The following ACKR2 variants were observed in gnomAD, a reference collection of about 807,000 sequenced individuals.
ACKR2 encodes C-C chemokine receptor D6.
For missense variants in ACKR2, 457 were observed against 477.3 expected, an observed-to-expected ratio of 0.96 and a Z score of 0.40; for synonymous variants, 207 against 192.2, an observed-to-expected ratio of 1.08 and a Z score of -0.64.
At chr3:42,835,708 A>G (rs1231043583) in intron 2 of ACKR2, 1 of 152,238 alleles carries the variant, frequency 6.6e-6, no homozygotes, top group Non-Finnish European at 1.5e-5. Context: ...GTCTACTCTC[A>G]GTCTCAGCGT....
intron 2 of ACKR2, among the ~76,000 whole-genome samples, chr3:42,845,764 A>T (rs941839579): frequency 2.0e-5 from 3 of 150,742 alleles, no homozygotes; most frequent in Admixed American, 6.6e-5. Context: ...CACGAGAATC[A>T]CTTGAACCTG....
intron 2 of ACKR2, among the ~76,000 whole-genome samples, chr3:42,826,046 T>G (rs1300531089): frequency 1.3e-5 from 2 of 152,078 alleles, no homozygotes; most frequent in Non-Finnish European, 2.9e-5. Context: ...ATTGTTTGAG[T>G]TTCGGATGTT....
chr3:42,837,258 C>T (rs1446314502), intron 2 of ACKR2, among the ~76,000 whole-genome samples: 1 of 152,038 alleles, frequency 6.6e-6, no homozygotes, highest in African/African-American at 2.4e-5. Flanking sequence ...ACTCTGTCGC[C>T]TAGGCTGGAG....
chr3:42,848,296 C>T (rs1403967787), intron 2 of ACKR2, among the ~76,000 whole-genome samples: 1 of 143,162 alleles, frequency 7.0e-6, no homozygotes, highest in Non-Finnish European at 1.5e-5. Context: ...TGTCTCACTG[C>T]AGCCTCCACT....
chr3:42,865,071 A>C lies in ACKR2; in HGVS notation c.569A>C (p.Lys190Thr). Reference protein sequence around the residue: ...MVFVQTHENPKGVWNCHADFG... With the variant: ...MVFVQTHENPTGVWNCHADFG... ...TTTGTACAGACACATGAAAATCCCA[A>C]GGGTGTGTGGAACTGCCACGCAGAT... The change falls in exon 3 of 3, where the codon AAG becomes ACG. Residue 190 changes from lysine to threonine, a missense_variant. Coordinates refer to ENST00000422265, the MANE Select transcript of ACKR2 (RefSeq NM_001296.5). 6.2e-7 allele frequency: 1 copy of C among 1,614,126 alleles called. No individual in the cohort carries two copies. The highest frequency in any genetic ancestry group is 8.5e-7 in the Non-Finnish European group (1 of 1,180,034).
chr3:42,864,238 A>G (rs2088410873), intron 2 of ACKR2, among the ~76,000 whole-genome samples: 1 of 152,226 alleles, frequency 6.6e-6, no homozygotes, highest in African/African-American at 2.4e-5. Context: ...ATCCAAGAGT[A>G]AGTGTCCCAG....
chr3:42,810,817 C>T (rs1443599750), intron 1 of ACKR2, among the ~76,000 whole-genome samples: 1 of 152,230 alleles, frequency 6.6e-6, no homozygotes, highest in African/African-American at 2.4e-5. Context: ...TTCGAGTGTT[C>T]AATTTCCTTA....
At chr3:42,834,393 A>G (rs1372072034) in intron 2 of ACKR2, among the ~76,000 whole-genome samples, 1 of 151,934 alleles carries the variant, frequency 6.6e-6, no homozygotes, top group African/African-American at 2.4e-5. Context: ...TTCGGTAGGG[A>G]AGACAGGGTC....
In ACKR2 at chr3:42,866,968, A is replaced by G. The variant is rs963324852; in HGVS notation, c.*1311A>G. ...GGCTCACTGCAGCCACCACCTCCTG[A>G]GCTCAAGTGATCCTCCCATCTAAGC... On this transcript the variant is annotated 3_prime_UTR_variant, in exon 3 of 3. Coordinates refer to ENST00000422265, the MANE Select transcript of ACKR2 (RefSeq NM_001296.5). 4.3e-5 allele frequency: 7 copies of G among 163,110 alleles called. No individual in the cohort carries two copies. The highest frequency in any genetic ancestry group is 1.7e-4 in the African/African-American group (7 of 41,280). The allele number at this position is 163,110 out of a possible 1,614,324, so 10.1% of individuals were successfully genotyped here.
intron 2 of ACKR2, among the ~76,000 whole-genome samples, chr3:42,861,842 A>G (rs2088388056): frequency 6.6e-6 from 1 of 152,224 alleles, no homozygotes; most frequent in Non-Finnish European, 1.5e-5. Context: ...TCAATAAACT[A>G]GGTACTGATG....
intron 2 of ACKR2, among the ~76,000 whole-genome samples, chr3:42,850,080 C>T (rs1174017931): frequency 6.6e-6 from 1 of 152,018 alleles, no homozygotes; most frequent in African/African-American, 2.4e-5. Flanking sequence ...GAGCCCAGGT[C>T]CTAGAACTTA....
At chr3:42,860,189 A>AAAAAAAAACAAAAAAAAAAC in intron 2 of ACKR2, among the ~76,000 whole-genome samples, 1 of 111,520 alleles carries the variant, frequency 9.0e-6, no homozygotes, top group Non-Finnish European at 1.9e-5. Flanking sequence ...AAAAAAAAAA[A>AAAAAAAAACAAAAAAAAAAC]GCAGGGGATG....
chr3:42,837,756 T>C (rs1334939519), intron 2 of ACKR2, among the ~76,000 whole-genome samples: 2 of 152,232 alleles, frequency 1.3e-5, no homozygotes, highest in Non-Finnish European at 2.9e-5. Context: ...CTCAGTCAAG[T>C]TGACATCTAA....
At position 42,865,132 on chromosome 3, in the gene ACKR2, C is replaced by G. The variant is rs765855167; in HGVS notation, c.630C>G (p.Leu210=). The G allele has an allele frequency of 1.9e-6, 3 of 1,613,914 alleles. No homozygotes were observed. Among genetic ancestry groups the G allele is most frequent in the South Asian group, 1.1e-5 (1 of 91,076 alleles). ...ATGGGACCATTTGGAAGCTCTTCCTCCGCTTCCAGCAGAACCTCCTAGGGT... is the reference window on the plus strand; with the variant it reads ...ATGGGACCATTTGGAAGCTCTTCCTGCGCTTCCAGCAGAACCTCCTAGGGT... ...GGHGTIWKLF[L]RFQQNLLGFL... The change falls in exon 3 of 3, where the codon CTC becomes CTG. Residue 210 remains leucine (L), a synonymous_variant. Transcript: ENST00000422265.
At chr3:42,857,264 G>C (rs1010876600) in intron 2 of ACKR2, among the ~76,000 whole-genome samples, 4 of 152,132 alleles carry the variant, frequency 2.6e-5, no homozygotes, top group Non-Finnish European at 1.5e-5. Context: ...GCTGATTCAA[G>C]AGGAGAGACT....
chr3:42,836,186 C>A (rs1700986231), intron 2 of ACKR2, among the ~76,000 whole-genome samples: 1 of 152,162 alleles, frequency 6.6e-6, no homozygotes, highest in Non-Finnish European at 1.5e-5. Context: ...ACAAACCACA[C>A]CTCTCTCCCA....
chr3:42,825,781 T>C (rs922292638), intron 2 of ACKR2, among the ~76,000 whole-genome samples: 1 of 151,940 alleles, frequency 6.6e-6, no homozygotes, highest in Non-Finnish European at 1.5e-5. Flanking sequence ...CATCTTTGTT[T>C]TGTTTGTGAT....
chr3:42,857,933 G>A (rs943359055), intron 2 of ACKR2, among the ~76,000 whole-genome samples: 3 of 152,232 alleles, frequency 2.0e-5, no homozygotes, highest in Non-Finnish European at 2.9e-5. Context: ...AGAGCCCACC[G>A]TAGCTTGGCA....
chr3:42,839,993 TCACGCCTGTAATCCCAG>T (rs1196367432), intron 2 of ACKR2, among the ~76,000 whole-genome samples: 2 of 152,146 alleles, frequency 1.3e-5, no homozygotes, highest in Non-Finnish European at 2.9e-5. Flanking sequence ...GCGCAGTGGC[TCACGCCTGTAATCCCAG>T]CACTTTGGGA....
Sources: allele counts gnomAD v4.1 joint callset (sites outside exome capture counted in the v4.1 genomes callset), GRCh38; gene constraint gnomAD v4.1.1; transcripts MANE v1.5; gene names NCBI Gene and HGNC (gene_info 2026-07-23, HGNC 2026-07-21).